Variants in NEDD9 observed in about 807,000 individuals in gnomAD.
NEDD9 encodes the protein enhancer of filamentation 1.
NEDD9 carries 26 observed loss-of-function variants against 76.6 expected under a neutral mutation model. That is an observed-to-expected ratio of 0.34 (90% CI 0.25 to 0.47). NEDD9 has a LOEUF of 0.47. Among genes scored for constraint, NEDD9 ranks in the 20% least tolerant of loss-of-function variants. NEDD9 has a pLI of 1.00. For missense variants in NEDD9, 937 were observed against 1,058.5 expected (o/e 0.89, Z 1.59); for synonymous variants, 392 against 414.2 (o/e 0.95, Z 0.65).
At position 11,241,404 on chromosome 6, in the gene NEDD9, C is replaced by T. The variant is rs990140896; in HGVS notation, c.13-27677G>A. 6.6e-6 allele frequency among the ~76,000 whole-genome samples: 1 copy of T among 152,096 alleles called. No homozygotes were observed. Among genetic ancestry groups the T allele is most frequent in the Admixed American group, 6.5e-5 (1 of 15,280 alleles). On this transcript the variant is annotated intron_variant, in intron 3 of 3. Coordinates refer to the NEDD9 transcript ENST00000397378. The surrounding 1 kb of genome is among the most constrained non-coding windows in gnomAD (Gnocchi z 4.0). Reference sequence around the variant, plus strand: ...TGGCATGACATCATGTGATATGATGCGACTTTGTAGCCCTCTTCCCCTCTC... The same window carrying T: ...TGGCATGACATCATGTGATATGATGTGACTTTGTAGCCCTCTTCCCCTCTC...
chr6:11,190,691 G>A lies in NEDD9; in HGVS notation c.1178C>T (p.Ser393Leu). The change falls in exon 5 of 7, where the codon TCA (serine) becomes TTA (leucine). Residue 393 changes from serine to leucine, a missense_variant. Physicochemically the swap from Ser to Leu is moderately radical, Grantham distance 145. Transcript: ENST00000379446. The surrounding 1 kb of genome is among the most constrained non-coding windows in gnomAD (Gnocchi z 5.8). ...SSTSSKESSL[S>L]ASPAQDKRLF... is the part of the protein sequence containing the mutation. Reference sequence around the variant, plus strand: ...CCTTTTGTCCTGAGCTGGGGAGGCTGACAGTGAGGACTCCTTGGAGGAGGT... The same window carrying A: ...CCTTTTGTCCTGAGCTGGGGAGGCTAACAGTGAGGACTCCTTGGAGGAGGT... 1.2e-6 allele frequency: 2 copies of A among 1,614,170 alleles called. No homozygotes were observed. The highest frequency in any genetic ancestry group is 1.7e-5 in the Admixed American group (1 of 60,026).
At position 11,315,350 on chromosome 6, in the gene NEDD9, AAGGCTGCTCTTTGGC is replaced by A. The variant is rs1761521769; in HGVS notation, c.-152-9210_-152-9196del. 3.3e-5 allele frequency among the ~76,000 whole-genome samples: 5 copies of A among 152,348 alleles called. No individual in the cohort carries two copies. The South Asian group carries it at 1.0e-3, about 32-fold the overall frequency. ...CATCAGCCACCTGCTTGCAGAGCAA[AAGGCTGCTCTTTGGC>A]AGGAAAGACTGTGTTCTTCAGCCCA... On this transcript the variant is annotated intron_variant, in intron 2 of 3. Transcript: ENST00000397378.
At chr6:11,371,425 A>G (rs1762873300) in intron 1 of NEDD9, among the ~76,000 whole-genome samples, 1 of 151,998 alleles carries the variant, frequency 6.6e-6, no homozygotes, top group Admixed American at 6.6e-5. Context: ...TGCCTCACCT[A>G]TTCATCCCTC....
At chr6:11,372,901 T>G (rs1018546436) in intron 1 of NEDD9, among the ~76,000 whole-genome samples, 1 of 152,186 alleles carries the variant, frequency 6.6e-6, no homozygotes, top group African/African-American at 2.4e-5. Flanking sequence ...GCATAGATAC[T>G]CCAATTCATT....
upstream of NEDD9, chr6:11,233,311 A>G (rs1411843283): frequency 1.9e-6 from 1 of 518,938 alleles, no homozygotes; most frequent in Non-Finnish European, 3.8e-6. Context: ...CCTCTAGCAC[A>G]CGCACCAGCG....
intron 1 of NEDD9, among the ~76,000 whole-genome samples, chr6:11,373,271 A>T (rs1762912559): frequency 2.6e-5 from 4 of 152,216 alleles, no homozygotes; most frequent in South Asian, 4.1e-4. Context: ...TAACTGAATT[A>T]TATGTGCTTT....
chr6:11,229,165 T>G (rs548365785), intron 1 of NEDD9, among the ~76,000 whole-genome samples: 1 of 152,222 alleles, frequency 6.6e-6, no homozygotes, highest in Admixed American at 6.5e-5. Flanking sequence ...ACTCTGACTT[T>G]CAGAATGCAC....
chr6:11,267,727 T>TG (rs1219306019), intron 3 of NEDD9, among the ~76,000 whole-genome samples: 2 of 152,146 alleles, frequency 1.3e-5, no homozygotes, highest in East Asian at 1.9e-4. Context: ...GGGTCTTGTC[T>TG]GGGGGAGAAA....
At chr6:11,299,741 C>G (rs768628529) in intron 3 of NEDD9, among the ~76,000 whole-genome samples, 1 of 152,204 alleles carries the variant, frequency 6.6e-6, no homozygotes, top group Non-Finnish European at 1.5e-5. Flanking sequence ...AGACCTCCAG[C>G]AAACTCCAAC....
intron 1 of NEDD9, among the ~76,000 whole-genome samples, chr6:11,222,427 C>T (rs1252486927): frequency 6.6e-6 from 1 of 152,218 alleles, no homozygotes; most frequent in East Asian, 1.9e-4. Flanking sequence ...GTCAGCAATG[C>T]AGCCACTAAG....
intron 1 of NEDD9, chr6:11,381,989 C>T (rs543074796): frequency 6.6e-6 from 1 of 152,362 alleles, no homozygotes; most frequent in South Asian, 2.1e-4. Context: ...ACTCATTCCT[C>T]TTCTGGGGCA....
chr6:11,245,155 T>C (rs1412932555), intron 3 of NEDD9, among the ~76,000 whole-genome samples: 1 of 152,182 alleles, frequency 6.6e-6, no homozygotes, highest in East Asian at 1.9e-4. Flanking sequence ...TGAACTTGTG[T>C]GTGGGAGGAG....
At chr6:11,186,868 G>A (rs368058496) in intron 6 of NEDD9, among the ~76,000 whole-genome samples, 4 of 152,188 alleles carry the variant, frequency 2.6e-5, no homozygotes, top group South Asian at 2.1e-4. Context: ...CGCCCGTCTC[G>A]GCCTCCCAAA....
chr6:11,290,651 C>T (rs966054302), intron 3 of NEDD9, among the ~76,000 whole-genome samples: 1 of 152,072 alleles, frequency 6.6e-6, no homozygotes, highest in Admixed American at 6.6e-5. Context: ...AGCTGTACCT[C>T]GAGACCAAAT....
chr6:11,355,775 C>T (rs1001155707), intron 1 of NEDD9, among the ~76,000 whole-genome samples: 4 of 151,948 alleles, frequency 2.6e-5, no homozygotes, highest in Admixed American at 6.5e-5. Flanking sequence ...GGCTGGAGGG[C>T]AGTGGCGCGA....
At chr6:11,285,849 A>G (rs1487272889) in intron 3 of NEDD9, among the ~76,000 whole-genome samples, 4 of 152,214 alleles carry the variant, frequency 2.6e-5, no homozygotes, top group African/African-American at 9.6e-5. Flanking sequence ...CATTATATGA[A>G]TATTAATTCA....
At chr6:11,331,581 T>C (rs1762039204) in intron 2 of NEDD9, among the ~76,000 whole-genome samples, 1 of 152,106 alleles carries the variant, frequency 6.6e-6, no homozygotes, top group Non-Finnish European at 1.5e-5. Context: ...TAACAAATTA[T>C]TGACTGGAGG....
intron 3 of NEDD9, among the ~76,000 whole-genome samples, chr6:11,256,846 T>A (rs1760013783): frequency 6.6e-6 from 1 of 152,198 alleles, no homozygotes; most frequent in African/African-American, 2.4e-5. Context: ...GTGAATTGAT[T>A]TAGGTGACAT....
intron 2 of NEDD9, among the ~76,000 whole-genome samples, chr6:11,195,405 G>A (rs1423140806): frequency 4.6e-5 from 7 of 152,064 alleles, no homozygotes; most frequent in African/African-American, 1.7e-4. Flanking sequence ...TTCAAAGCAG[G>A]ATGCCCTTTG....
Sources: gnomAD v4.1 joint callset for allele counts (sites outside exome capture counted in the v4.1 genomes callset) on GRCh38, gnomAD v4.1.1 for gene constraint, Gnocchi (gnomAD v3.1) non-coding constraint, MANE v1.5 for transcripts, NCBI Gene and HGNC (gene_info 2026-07-23, HGNC 2026-07-21) for gene names.